The following DST variants were observed in gnomAD, a reference collection of about 807,000 sequenced individuals.
DST encodes the protein bullous pemphigoid antigen.
In DST, 253 loss-of-function variants were observed where a neutral mutation model predicts 875.2. The observed-to-expected ratio is 0.29, with a 90% CI of 0.26 to 0.32. DST has a LOEUF of 0.32. Ranked by LOEUF, DST falls within the 10% of genes least tolerant of loss-of-function variation. The pLI is 1.00. For missense variants in DST, 8,287 were observed against 9,111.6 expected (o/e 0.91, Z 3.68); for synonymous variants, 3,124 against 3,197.1 (o/e 0.98, Z 0.77).
At chr6:56,830,414 C>T (rs1001168447) in intron 4 of DST, among the ~76,000 whole-genome samples, 1 of 152,118 alleles carries the variant, frequency 6.6e-6, no homozygotes, top group African/African-American at 2.4e-5. Context: ...AATTGAATTA[C>T]AGATTTTTAC....
chr6:56,805,455 A>C (rs1162178612), intron 4 of DST, among the ~76,000 whole-genome samples: 1 of 152,198 alleles, frequency 6.6e-6, no homozygotes, highest in Non-Finnish European at 1.5e-5. Context: ...ACCAGCTCTT[A>C]AGTAAAAACG....
Position 56,603,344 on chromosome 6 carries a change from G to T in DST, c.11018C>A (p.Ser3673Tyr), listed in dbSNP as rs764301988. ...GCCTCTGGGAAAGTCACTGGGAAGA[G>T]ACTTTAAAAACTCTTCTGCCAACTT... ...DMKLAEEFLK[S>Y]LPSDFPRGHV... The change falls in exon 42 of 104, where the codon TCT becomes TAT. Residue 3673 changes from serine to tyrosine, a missense_variant. Physicochemically the swap from Ser to Tyr is moderately radical, Grantham distance 144. Around this residue, in one of 10 missense-constraint regions of DST, gnomAD observed 3,138 missense variants for 3,116.6 expected, o/e 1.01. Coordinates refer to ENST00000680361, the MANE Select transcript of DST (RefSeq NM_001374736.1). The T allele has an allele frequency of 2.5e-6, 4 of 1,611,054 alleles. No individual in the cohort carries two copies. Among genetic ancestry groups the T allele is most frequent in the Non-Finnish European group, 3.4e-6 (4 of 1,179,100 alleles).
At chr6:56,745,211 AT>A (rs1403191059) in intron 4 of DST, among the ~76,000 whole-genome samples, 2 of 152,248 alleles carry the variant, frequency 1.3e-5, no homozygotes, top group African/African-American at 2.4e-5. Context: ...AAATGCTGTT[AT>A]TTCCACGTAA....
intron 5 of DST, among the ~76,000 whole-genome samples, chr6:56,711,989 G>T (rs1197762189): frequency 6.7e-6 from 1 of 149,174 alleles, no homozygotes; most frequent in Admixed American, 6.7e-5. Flanking sequence ...TACTCGGGAG[G>T]CTGAGGCAGG....
chr6:56,459,892 T>C (rs1454229843), intron 103 of DST, among the ~76,000 whole-genome samples: 1 of 152,166 alleles, frequency 6.6e-6, no homozygotes, highest in African/African-American at 2.4e-5. Flanking sequence ...AGGGGTAGAA[T>C]ACCACTGTAT....
At chr6:56,898,835 G>A (rs995033833) in intron 3 of DST, among the ~76,000 whole-genome samples, 1 of 152,220 alleles carries the variant, frequency 6.6e-6, no homozygotes, top group Non-Finnish European at 1.5e-5. Context: ...GATCCAAGAT[G>A]ATTCCATAAT....
Position 56,608,810 on chromosome 6 carries a change from A to G in DST, c.5818T>C (p.Leu1940=). ...SLIDMVQRST[L]QENTGMWLLP... Reference sequence around the variant, plus strand: ...AGCCACATCCCTGTGTTTTCCTGTAAAGTACTTCTTTGTACCATATCTATT... The same window carrying G: ...AGCCACATCCCTGTGTTTTCCTGTAGAGTACTTCTTTGTACCATATCTATT... Residue 1940 remains leucine (L), a synonymous_variant, in exon 40 of 104, where the codon TTA becomes CTA. Coordinates refer to ENST00000680361, the MANE Select transcript of DST (RefSeq NM_001374736.1). The G allele has an allele frequency of 6.2e-7, 1 of 1,611,188 alleles. No homozygotes were observed. The highest frequency in any genetic ancestry group is 8.5e-7 in the Non-Finnish European group (1 of 1,178,418).
chr6:56,807,081 C>T (rs1418889591), intron 4 of DST, among the ~76,000 whole-genome samples: 2 of 152,060 alleles, frequency 1.3e-5, no homozygotes, highest in African/African-American at 2.4e-5. Context: ...GACAGGGTCT[C>T]GCTCTGTCCC....
intron 4 of DST, among the ~76,000 whole-genome samples, chr6:56,834,064 T>C (rs1355871478): frequency 6.6e-6 from 1 of 152,006 alleles, no homozygotes; most frequent in East Asian, 1.9e-4. Context: ...CCTGTCTCTA[T>C]ATAACATAAA....
intron 7 of DST, among the ~76,000 whole-genome samples, chr6:56,702,836 G>T (rs2099315736): frequency 1.3e-5 from 2 of 152,162 alleles, no homozygotes; most frequent in Admixed American, 1.3e-4. Flanking sequence ...ACAATTGACA[G>T]CTTGGCTTCT....
At position 56,494,388 on chromosome 6, in the gene DST, T is replaced by C. The variant is rs149001840; in HGVS notation, c.20224-208A>G. Among the ~76,000 whole-genome samples the C allele has an allele frequency of 1.2e-3, 185 of 152,212 alleles. 1 individual carries two copies. The South Asian group carries it at 0.013, about 11-fold the overall frequency. ...CCTGTCTACTGGGAAATCTAAAAAATGGTGTTATCATTATCAGCCCATTCT... is the reference window on the plus strand; with the variant it reads ...CCTGTCTACTGGGAAATCTAAAAAACGGTGTTATCATTATCAGCCCATTCT... On this transcript the variant is annotated intron_variant, in intron 82 of 103. Transcript: ENST00000680361.
At chr6:56,649,577 G>A (rs1177378915) in intron 12 of DST, among the ~76,000 whole-genome samples, 1 of 151,862 alleles carries the variant, frequency 6.6e-6, no homozygotes, top group African/African-American at 2.4e-5. Context: ...ATTATTGATG[G>A]GGGGAGGTGA....
chr6:56,627,838 T>A (rs775588403), intron 33 of DST, among the ~76,000 whole-genome samples, 161 bp downstream of exon 33: 1 of 152,172 alleles, frequency 6.6e-6, no homozygotes, highest in Non-Finnish European at 1.5e-5. Context: ...AAATAAGTCA[T>A]GTATGTAGGT....
chr6:56,599,995 C>T (rs1393105183), intron 45 of DST, 74 bp downstream of exon 45: 1 of 1,380,600 alleles, frequency 7.2e-7, no homozygotes, highest in African/African-American at 1.5e-5. Flanking sequence ...TTTCAATAAT[C>T]TTCACTGACT....
chr6:56,469,826 A>G (rs1353078852), intron 97 of DST, 57 bp downstream of exon 97: 3 of 1,433,924 alleles, frequency 2.1e-6, no homozygotes, highest in Non-Finnish European at 3.0e-6. Flanking sequence ...ATCAAATTGT[A>G]TACAGATTTC....
intron 2 of DST, among the ~76,000 whole-genome samples, chr6:56,907,354 G>A (rs1393949738): frequency 1.3e-5 from 2 of 152,186 alleles, no homozygotes; most frequent in Non-Finnish European, 2.9e-5. Context: ...ATTTTCCTTG[G>A]AGGTTGAATT....
intron 72 of DST, among the ~76,000 whole-genome samples, chr6:56,512,548 C>T (rs1357595451): frequency 3.9e-5 from 6 of 152,166 alleles, no homozygotes; most frequent in African/African-American, 9.7e-5. Context: ...CTCCAAACTC[C>T]AGCCCCTCAC....
At chr6:56,621,138 G>A (rs2098687933) in intron 36 of DST, among the ~76,000 whole-genome samples, 1 of 152,112 alleles carries the variant, frequency 6.6e-6, no homozygotes, top group Admixed American at 6.5e-5. Flanking sequence ...ATAATCCTAA[G>A]AGGTAGGAAG....
chr6:56,866,900 A>G (rs931682977), intron 3 of DST, among the ~76,000 whole-genome samples: 1 of 152,142 alleles, frequency 6.6e-6, no homozygotes, highest in Non-Finnish European at 1.5e-5. Context: ...TATGTACTCA[A>G]CGAGTTCCAA....
Sources: gnomAD v4.1 joint callset for allele counts (sites outside exome capture counted in the v4.1 genomes callset) on GRCh38, gnomAD v4.1.1 for gene constraint, gnomAD v4.1.1 regional missense constraint, MANE v1.5 for transcripts, NCBI Gene and HGNC (gene_info 2026-07-23, HGNC 2026-07-21) for gene names.